The following RASAL2 variants were observed in gnomAD, a reference collection of about 807,000 sequenced individuals.
The protein encoded by RASAL2 is RAS protein activator like 2.
A neutral mutation model predicts 128.9 loss-of-function variants in RASAL2; 58 were observed. The observed-to-expected ratio is 0.45, with a 90% CI of 0.36 to 0.56. The LOEUF (loss-of-function observed/expected upper bound fraction) is 0.56. RASAL2 is among the 20% of genes least tolerant of loss of function. The pLI is 0.00. For missense variants in RASAL2, 1,360 were observed against 1,601.6 expected, an observed-to-expected ratio of 0.85 and a Z score of 2.57; for synonymous variants, 561 against 580.8, an observed-to-expected ratio of 0.97 and a Z score of 0.49.
chr1:178,248,765 C>G (rs988792745), intron 1 of RASAL2, among the ~76,000 whole-genome samples: 1 of 152,150 alleles, frequency 6.6e-6, no homozygotes, highest in Non-Finnish European at 1.5e-5. Flanking sequence ...ATTTGCTTGT[C>G]TGTAAAGGAT....
intron 1 of RASAL2, among the ~76,000 whole-genome samples, chr1:178,264,809 G>A (rs765038221): frequency 6.6e-6 from 1 of 152,166 alleles, no homozygotes; most frequent in Non-Finnish European, 1.5e-5. Flanking sequence ...TTGGCCATTG[G>A]TGATTAGCTC....
At chr1:178,240,317 G>T (rs1292938875) in intron 1 of RASAL2, among the ~76,000 whole-genome samples, 1 of 152,034 alleles carries the variant, frequency 6.6e-6, no homozygotes, top group Non-Finnish European at 1.5e-5. Context: ...CCTGTTCATA[G>T]AATTCTAGAT....
At chr1:178,384,110 T>C (rs1475408725) in intron 3 of RASAL2, among the ~76,000 whole-genome samples, 2 of 152,218 alleles carry the variant, frequency 1.3e-5, no homozygotes, top group African/African-American at 4.8e-5. Context: ...ATAATTATAA[T>C]TGAAAGAGTA....
chr1:178,287,607 A>G (rs571893761), intron 2 of RASAL2, among the ~76,000 whole-genome samples: 136 of 152,280 alleles, frequency 8.9e-4, no homozygotes, highest in African/African-American at 3.2e-3. Flanking sequence ...CCCATCAATC[A>G]AGGGGTGGAT....
chr1:178,207,071 A>C (rs1341033264), intron 1 of RASAL2, among the ~76,000 whole-genome samples: 4 of 151,218 alleles, frequency 2.6e-5, no homozygotes, highest in Non-Finnish European at 5.9e-5. Context: ...AGTCCAAGCT[A>C]CTCGGGAGGC....
rs577043947 is a variant in RASAL2 at position 178,147,938 on chromosome 1, G to A, written c.202+53244G>A. 2.4e-3 allele frequency among the ~76,000 whole-genome samples: 366 copies of A among 152,154 alleles called. 1 individual carries two copies. Among genetic ancestry groups the A allele is most frequent in the African/African-American group, 8.6e-3 (355 of 41,520 alleles). On this transcript the variant is annotated intron_variant, in intron 1 of 17. Transcript: ENST00000367649. ...TACAAAAAATTAGCCAGGCATGGTG[G>A]TGCATGCCTGTAATCCCAGCTACTT...
chr1:178,296,467 C>T (rs754159430), intron 2 of RASAL2, among the ~76,000 whole-genome samples: 9 of 152,042 alleles, frequency 5.9e-5, no homozygotes, highest in Non-Finnish European at 1.3e-4. Flanking sequence ...TTAAGTGATC[C>T]TCTTGCCTCA....
At chr1:178,392,518 T>G (rs1292739312) in intron 4 of RASAL2, among the ~76,000 whole-genome samples, 1 of 152,218 alleles carries the variant, frequency 6.6e-6, no homozygotes, top group Non-Finnish European at 1.5e-5. Context: ...TTATACTTGC[T>G]GCTGAAGCAT....
chr1:178,198,248 T>C (rs1262105345), intron 1 of RASAL2, among the ~76,000 whole-genome samples: 1 of 152,198 alleles, frequency 6.6e-6, no homozygotes, highest in East Asian at 1.9e-4. Context: ...CAGATGGTAT[T>C]CCTAGTTCTA....
At chr1:178,112,320 G>A (rs1021331038) in intron 1 of RASAL2, among the ~76,000 whole-genome samples, 3 of 152,100 alleles carry the variant, frequency 2.0e-5, no homozygotes, top group Admixed American at 2.0e-4. Context: ...GGGAGGCCAA[G>A]GCGGGTGGAT....
chr1:178,175,374 C>T (rs1204251267), intron 1 of RASAL2, among the ~76,000 whole-genome samples: 2 of 151,544 alleles, frequency 1.3e-5, no homozygotes, highest in Non-Finnish European at 2.9e-5. Flanking sequence ...ACAGGACTCT[C>T]CCAGAACTAA....
chr1:178,247,871 G>A (rs954967125), intron 1 of RASAL2, among the ~76,000 whole-genome samples: 1 of 152,190 alleles, frequency 6.6e-6, no homozygotes, highest in Non-Finnish European at 1.5e-5. Flanking sequence ...CCATGTAGTT[G>A]TGTGGTTTTG....
At chr1:178,181,778 T>G (rs889293439) in intron 1 of RASAL2, among the ~76,000 whole-genome samples, 36 of 135,030 alleles carry the variant, frequency 2.7e-4, no homozygotes, top group Non-Finnish European at 2.9e-4. Context: ...GGATTTGCAG[T>G]TTTTTTTTTT....
At chr1:178,342,297 G>A (rs1669923544) in intron 3 of RASAL2, among the ~76,000 whole-genome samples, 1 of 152,154 alleles carries the variant, frequency 6.6e-6, no homozygotes, top group Non-Finnish European at 1.5e-5. Context: ...CTTGCCCAAG[G>A]TCAGAATTAG....
At chr1:178,450,025 T>C in intron 9 of RASAL2, among the ~76,000 whole-genome samples, 1 of 152,134 alleles carries the variant, frequency 6.6e-6, no homozygotes, top group Non-Finnish European at 1.5e-5. Flanking sequence ...AGGTACTCTT[T>C]AAATGAAGTT....
In RASAL2 at chr1:178,441,653, A is replaced by C; in HGVS notation, c.927+6A>C. ...GGACAGTTCAACCTAATAAGGTAAT[A>C]GTAGCTTCAAGTATCTAAAAAATGT... On this transcript the variant is annotated splice_donor_region_variant and intron_variant, in intron 7 of 17. Transcript: ENST00000367649. 1 of 1,591,224 alleles carries C rather than the reference A, an allele frequency of 6.3e-7. No homozygotes were observed. The highest frequency in any genetic ancestry group is 8.6e-7 in the Non-Finnish European group (1 of 1,160,358).
intron 1 of RASAL2, among the ~76,000 whole-genome samples, chr1:178,185,972 C>G (rs1036587252): frequency 2.0e-5 from 3 of 151,976 alleles, no homozygotes; most frequent in African/African-American, 7.2e-5. Flanking sequence ...TTGCTTGTTC[C>G]TTAAATGTTC....
At chr1:178,130,388 A>G (rs911414882) in intron 1 of RASAL2, among the ~76,000 whole-genome samples, 2 of 152,174 alleles carry the variant, frequency 1.3e-5, no homozygotes, top group Non-Finnish European at 2.9e-5. Context: ...CCCCTGGGCC[A>G]CTGTATTTGT....
chr1:178,247,197 G>C (rs901667541), intron 1 of RASAL2, among the ~76,000 whole-genome samples: 3 of 152,074 alleles, frequency 2.0e-5, no homozygotes, highest in African/African-American at 7.2e-5. Context: ...ATCTGGTCCT[G>C]GGCTTTTTTT....
Sources: gnomAD v4.1 joint callset for allele counts (sites outside exome capture counted in the v4.1 genomes callset) on GRCh38, gnomAD v4.1.1 for gene constraint, MANE v1.5 for transcripts, NCBI Gene and HGNC (gene_info 2026-07-23, HGNC 2026-07-21) for gene names.